Variants in SIMC1 observed in about 807,000 individuals in gnomAD.
SIMC1 encodes SUMO interacting motifs containing 1, also known as SUMO-interacting motif-containing protein 1.
SIMC1 carries 55 observed loss-of-function variants against 82.3 expected under a neutral mutation model. That is an observed-to-expected ratio of 0.67 (90% confidence interval 0.54 to 0.84). The LOEUF is 0.84. SIMC1 is among the 40% of genes least tolerant of loss of function. SIMC1 has a pLI of 0.00. For missense variants in SIMC1, 915 were observed against 1,107.2 expected, an observed-to-expected ratio of 0.83 and a Z score of 2.46; for synonymous variants, 353 against 426.3, an observed-to-expected ratio of 0.83 and a Z score of 2.12.
At chr5:176,249,721 G>T (rs190559827) in intron 1 of SIMC1, among the ~76,000 whole-genome samples, 2 of 151,664 alleles carry the variant, frequency 1.3e-5, no homozygotes, top group Non-Finnish European at 2.9e-5. Context: ...GCAGGCATCT[G>T]TAGTCCCAGC....
At chr5:176,300,812 C>T (rs963224593) in intron 4 of SIMC1, among the ~76,000 whole-genome samples, 1 of 152,124 alleles carries the variant, frequency 6.6e-6, no homozygotes, top group African/African-American at 2.4e-5. Flanking sequence ...TAAGAGAATA[C>T]TACCAACAAT....
At chr5:176,341,620 C>G (rs550414320) in intron 9 of SIMC1, among the ~76,000 whole-genome samples, 1 of 152,304 alleles carries the variant, frequency 6.6e-6, no homozygotes, top group Admixed American at 6.5e-5. Flanking sequence ...TTGAAGATAA[C>G]TTTGACAGGG....
intron 1 of SIMC1, among the ~76,000 whole-genome samples, chr5:176,288,944 C>G (rs1041751150): frequency 2.6e-5 from 4 of 152,086 alleles, no homozygotes; most frequent in Non-Finnish European, 4.4e-5. Flanking sequence ...AAGTGGAGAT[C>G]GGAAGTTTTC....
At chr5:176,299,364 G>A (rs535485795) in intron 4 of SIMC1, among the ~76,000 whole-genome samples, 5 of 151,154 alleles carry the variant, frequency 3.3e-5, no homozygotes, top group Non-Finnish European at 7.4e-5. Flanking sequence ...CTGCACTCCA[G>A]TTGGGTGACA....
At chr5:176,308,054 T>TG in intron 4 of SIMC1, 1 of 710,992 alleles carries the variant, frequency 1.4e-6, no homozygotes, top group Non-Finnish European at 2.6e-6. Flanking sequence ...AGCAATGAGC[T>TG]GGGCCAAGAT....
Position 176,246,698 on chromosome 5 carries a change from C to G in SIMC1, c.129+8061C>G, listed in dbSNP as rs186487491. Among the ~76,000 whole-genome samples, 553 of 151,970 alleles carry G rather than the reference C, an allele frequency of 3.6e-3. 3 individuals are homozygous for G. Among genetic ancestry groups the G allele is most frequent in the African/African-American group, 0.013 (525 of 41,462 alleles). ...CATAGGTATACACATGCCATGGTGG[C>G]TGCTGCACTTATCAACCCATCATCT... is the stretch of plus-strand genomic sequence containing the variant. On this transcript the variant is annotated intron_variant, in intron 1 of 9. Coordinates refer to ENST00000429602, the MANE Select transcript of SIMC1 (RefSeq NM_001308195.2).
At chr5:176,304,261 T>C (rs565902752) in intron 4 of SIMC1, 1,553 of 143,786 alleles carry the variant, frequency 0.011, 18 homozygotes, top group Middle Eastern at 0.037. Flanking sequence ...GAAGCTGGAC[T>C]GTACTGCTGC....
intron 5 of SIMC1, among the ~76,000 whole-genome samples, chr5:176,317,744 T>A (rs1764980089): frequency 1.3e-5 from 2 of 152,202 alleles, no homozygotes; most frequent in African/African-American, 4.8e-5. Context: ...CTAAGGTTAA[T>A]AATTATCCTA....
Position 176,280,951 on chromosome 5 carries a change from G to T in SIMC1, c.130-8703G>T, listed in dbSNP as rs570218678. On this transcript the variant is annotated intron_variant, in intron 1 of 9. Coordinates refer to ENST00000429602, the MANE Select transcript of SIMC1 (RefSeq NM_001308195.2). ...AAGGAGTATCTTTGTGGCGTTCTCT[G>T]TATTTCCTGAATCTGAATGTTGGCC... is the stretch of plus-strand genomic sequence containing the variant. Among the ~76,000 whole-genome samples the T allele has an allele frequency of 9.4e-3, 1,425 of 152,192 alleles. 8 individuals carry two copies. Among genetic ancestry groups the T allele is most frequent in the Non-Finnish European group, 0.014 (960 of 68,016 alleles).
In SIMC1 at chr5:176,293,781, ATTG is replaced by A. The variant is rs545396553; in HGVS notation, c.1432-1246_1432-1244del. Among the ~76,000 whole-genome samples, 42 of 151,982 alleles carry A rather than the reference ATTG, an allele frequency of 2.8e-4. No individual in the cohort carries two copies. In the East Asian group the frequency reaches 5.0e-3, roughly 18 times the overall value. ...AAAAAAAATTAAGAGCTCCAAATTT[ATTG>A]TTATTAAACCCTCATATCAAACTTT... On this transcript the variant is annotated intron_variant, in intron 2 of 9. Coordinates refer to ENST00000429602, the MANE Select transcript of SIMC1 (RefSeq NM_001308195.2).
chr5:176,290,377 C>A lies in SIMC1; in HGVS notation c.853C>A (p.Leu285Ile). Residue 285 changes from leucine to isoleucine, a missense_variant, in exon 2 of 10, where the codon CTA becomes ATA. Physicochemically the swap from Leu to Ile is conservative, Grantham distance 5. This residue lies in a region of SIMC1 where 902 missense variants were observed against 1,040.3 expected (regional missense o/e 0.87). Coordinates refer to ENST00000429602, the MANE Select transcript of SIMC1 (RefSeq NM_001308195.2). ...IPGPPQDSLG[L>I]PQDVPGLPQS... ...AGGCCCACCTCAAGACTCTCTGGGC[C>A]TACCTCAAGATGTGCCAGGGCTGCC... The A allele has an allele frequency of 6.2e-7, 1 of 1,613,986 alleles. No homozygotes were observed. Among genetic ancestry groups the A allele is most frequent in the Non-Finnish European group, 8.5e-7 (1 of 1,179,886 alleles).
At chr5:176,253,429 G>A (rs1304451149) in intron 1 of SIMC1, among the ~76,000 whole-genome samples, 3 of 152,218 alleles carry the variant, frequency 2.0e-5, no homozygotes, top group Non-Finnish European at 4.4e-5. Flanking sequence ...GGCCAGCCTA[G>A]TCTCGAACTC....
chr5:176,265,888 T>C (rs1281105595), intron 1 of SIMC1, among the ~76,000 whole-genome samples: 1 of 152,072 alleles, frequency 6.6e-6, no homozygotes, highest in African/African-American at 2.4e-5. Flanking sequence ...CTACCAAGGA[T>C]ACAGGATACA....
intron 7 of SIMC1, among the ~76,000 whole-genome samples, chr5:176,329,180 T>G (rs1765519108): frequency 6.6e-6 from 1 of 152,126 alleles, no homozygotes; most frequent in Non-Finnish European, 1.5e-5. Context: ...TCAAGATGTA[T>G]AACTGTTCTG....
intron 1 of SIMC1, among the ~76,000 whole-genome samples, chr5:176,273,648 T>A (rs1446474679): frequency 1.3e-5 from 2 of 152,000 alleles, no homozygotes; most frequent in East Asian, 1.9e-4. Context: ...ATGCTATCCC[T>A]CCCCCCTCAC....
At chr5:176,334,224 A>G (rs1765791037) in intron 7 of SIMC1, among the ~76,000 whole-genome samples, 1 of 152,098 alleles carries the variant, frequency 6.6e-6, no homozygotes. Context: ...TGTTCTGGAC[A>G]TTGTGGGCAC....
chr5:176,325,734 A>T (rs1673029760), intron 7 of SIMC1, among the ~76,000 whole-genome samples: 1 of 152,050 alleles, frequency 6.6e-6, no homozygotes, highest in Admixed American at 6.5e-5. Context: ...TAAATAATAA[A>T]AATAAAAATT....
chr5:176,249,916 C>T (rs1442189528), intron 1 of SIMC1, among the ~76,000 whole-genome samples: 1 of 149,384 alleles, frequency 6.7e-6, no homozygotes, highest in Non-Finnish European at 1.5e-5. Flanking sequence ...TCTCTTATCT[C>T]CTTCAGTTCT....
chr5:176,250,092 G>C (rs1761599718), intron 1 of SIMC1, among the ~76,000 whole-genome samples: 1 of 152,134 alleles, frequency 6.6e-6, no homozygotes, highest in Non-Finnish European at 1.5e-5. Flanking sequence ...TGCTTTAGCT[G>C]TGTCCCAGAG....
Sources: gnomAD v4.1 joint callset for allele counts (sites outside exome capture counted in the v4.1 genomes callset) on GRCh38, gnomAD v4.1.1 for gene constraint, gnomAD v4.1.1 regional missense constraint, MANE v1.5 for transcripts, NCBI Gene and HGNC (gene_info 2026-07-23, HGNC 2026-07-21) for gene names.